KDM4C: variants seen among roughly 807,000 people sequenced by gnomAD.
The protein encoded by KDM4C is lysine-specific demethylase 4C.
KDM4C carries 81 observed loss-of-function variants against 129.3 expected under a neutral mutation model. That is an observed-to-expected ratio of 0.63 (90% CI 0.52 to 0.75). The LOEUF is 0.75. Ranked by LOEUF, KDM4C falls within the 30% of genes least tolerant of loss-of-function variation. The probability of loss-of-function intolerance (pLI) is 0.00; values close to 1 mark genes in which losing one functional copy is unlikely to be tolerated. For synonymous variants in KDM4C, 573 were observed against 456.1 expected, an observed-to-expected ratio of 1.26 and a Z score of -3.26; for missense variants, 1,457 against 1,304.0, an observed-to-expected ratio of 1.12 and a Z score of -1.81.
chr9:7,129,629 C>T (rs907606967), intron 19 of KDM4C, among the ~76,000 whole-genome samples: 1 of 152,074 alleles, frequency 6.6e-6, no homozygotes, highest in Non-Finnish European at 1.5e-5. Flanking sequence ...AGATGTAATC[C>T]TTGCTCAGTC....
intron 2 of KDM4C, among the ~76,000 whole-genome samples, chr9:6,804,349 A>AT (rs1829573289): frequency 6.6e-6 from 1 of 152,218 alleles, no homozygotes; most frequent in South Asian, 2.1e-4. Context: ...GTACTATGCC[A>AT]TGGACACAGG....
At chr9:6,745,320 C>A (rs1172455444) in intron 1 of KDM4C, among the ~76,000 whole-genome samples, 1 of 151,970 alleles carries the variant, frequency 6.6e-6, no homozygotes, top group East Asian at 1.9e-4. Context: ...AAATTTAGGC[C>A]AGGGATGGTG....
intron 1 of KDM4C, among the ~76,000 whole-genome samples, chr9:6,774,151 G>A (rs916473110): frequency 5.9e-5 from 9 of 152,018 alleles, no homozygotes; most frequent in African/African-American, 2.2e-4. Context: ...GCCTCCCAAA[G>A]TGCTGGGATT....
At chr9:7,066,067 A>T (rs948069818) in intron 17 of KDM4C, among the ~76,000 whole-genome samples, 15 of 152,158 alleles carry the variant, frequency 9.9e-5, no homozygotes, top group African/African-American at 3.6e-4. Flanking sequence ...TTTGAAATAT[A>T]ATAAAATCAT....
At chr9:6,994,615 T>TCAAGAGTGGGAATGCCCTGGATAAGG (rs1219220359) in intron 12 of KDM4C, among the ~76,000 whole-genome samples, 17 of 152,178 alleles carry the variant, frequency 1.1e-4, no homozygotes, top group Non-Finnish European at 2.2e-4. Flanking sequence ...ACTTATGGAT[T>TCAAGAGTGGGAATGCCCTGGATAAGG]CAAGAGTGGG....
At chr9:6,890,987 C>T (rs775414025) in intron 7 of KDM4C, among the ~76,000 whole-genome samples, 2 of 152,126 alleles carry the variant, frequency 1.3e-5, no homozygotes, top group South Asian at 2.1e-4. Context: ...TTCTTTGGCA[C>T]GGGACAGTGG....
At chr9:6,979,707 A>G (rs1286892487) in intron 8 of KDM4C, among the ~76,000 whole-genome samples, 2 of 152,132 alleles carry the variant, frequency 1.3e-5, no homozygotes, top group Admixed American at 1.3e-4. Flanking sequence ...ACAGGCAGGG[A>G]AATTAGCCTT....
intron 1 of KDM4C, among the ~76,000 whole-genome samples, chr9:6,742,269 C>T (rs545714778): frequency 2.6e-5 from 4 of 151,328 alleles, no homozygotes; most frequent in African/African-American, 9.8e-5. Flanking sequence ...CCGCCTTGGC[C>T]CCCCAGAGTG....
chr9:7,016,764 G>A (rs904246426), intron 15 of KDM4C, among the ~76,000 whole-genome samples: 3 of 152,118 alleles, frequency 2.0e-5, no homozygotes, highest in Admixed American at 6.5e-5. Context: ...TACTTAGGAA[G>A]CTGCAGGGAC....
intron 15 of KDM4C, among the ~76,000 whole-genome samples, chr9:7,026,088 C>A (rs145574355): frequency 1.3e-5 from 2 of 151,906 alleles, no homozygotes; most frequent in Non-Finnish European, 2.9e-5. Context: ...CACCTGTAAT[C>A]CCAGCTACCT....
chr9:7,129,566 T>G (rs189878333), intron 19 of KDM4C, among the ~76,000 whole-genome samples: 1 of 152,254 alleles, frequency 6.6e-6, no homozygotes, highest in Admixed American at 6.5e-5. Context: ...ACTGAATACC[T>G]GCTGTGTGTC....
chr9:6,793,540 TTC>T, intron 2 of KDM4C, among the ~76,000 whole-genome samples: 1 of 151,132 alleles, frequency 6.6e-6, no homozygotes, highest in African/African-American at 2.4e-5. Flanking sequence ...TTTTCTTTCT[TTC>T]TTTTTTTTTT....
At chr9:6,775,277 A>C (rs918980799) in intron 1 of KDM4C, among the ~76,000 whole-genome samples, 1 of 151,990 alleles carries the variant, frequency 6.6e-6, no homozygotes, top group African/African-American at 2.4e-5. Context: ...TCGGCCTCCC[A>C]AAGTGCTGGG....
In KDM4C at chr9:6,758,988, T is replaced by TG. The variant is rs1329494138; in HGVS notation, c.-18+788dup. 3.9e-5 allele frequency among the ~76,000 whole-genome samples: 6 copies of TG among 152,048 alleles called. No individual in the cohort carries two copies. Among genetic ancestry groups the TG allele is most frequent in the African/African-American group, 1.5e-4 (6 of 41,378 alleles). Reference sequence around the variant, plus strand: ...GATGCTTTCCGCGTGGACTTGATGCTGGGCTCCCCCTTTGCTGCGCGGTGC... The same window carrying TG: ...GATGCTTTCCGCGTGGACTTGATGCTGGGGCTCCCCCTTTGCTGCGCGGTGC... On this transcript the variant is annotated intron_variant, in intron 1 of 21. Transcript: ENST00000381309. This position sits in a 1 kb window ranked among gnomAD's most constrained non-coding sequence, Gnocchi z 4.6.
chr9:7,132,178 T>C (rs1022527565), intron 19 of KDM4C, among the ~76,000 whole-genome samples: 1 of 152,216 alleles, frequency 6.6e-6, no homozygotes, highest in Non-Finnish European at 1.5e-5. Flanking sequence ...TATTTATCTA[T>C]GTATGACACA....
intron 8 of KDM4C, among the ~76,000 whole-genome samples, chr9:6,917,990 C>G (rs1480638755): frequency 6.6e-6 from 1 of 152,178 alleles, no homozygotes; most frequent in African/African-American, 2.4e-5. Flanking sequence ...TTATTTCTCC[C>G]ATTTGAAAAA....
chr9:7,129,572 G>A (rs1051923914), intron 19 of KDM4C, among the ~76,000 whole-genome samples: 1 of 151,928 alleles, frequency 6.6e-6, no homozygotes, highest in Non-Finnish European at 1.5e-5. Context: ...TACCTGCTGT[G>A]TGTCACTTAC....
intron 8 of KDM4C, among the ~76,000 whole-genome samples, chr9:6,940,766 T>C (rs1825798179): frequency 6.6e-6 from 1 of 152,226 alleles, no homozygotes; most frequent in Non-Finnish European, 1.5e-5. Flanking sequence ...ACTACCATAT[T>C]CCTTTCCCAG....
At chr9:7,041,704 T>A (rs920776630) in intron 15 of KDM4C, among the ~76,000 whole-genome samples, 1 of 152,038 alleles carries the variant, frequency 6.6e-6, no homozygotes, top group Non-Finnish European at 1.5e-5. Flanking sequence ...ATATTTGAGC[T>A]GGGCATGTGC....
Sources: gnomAD v4.1 joint callset for allele counts (sites outside exome capture counted in the v4.1 genomes callset) on GRCh38, gnomAD v4.1.1 for gene constraint, Gnocchi (gnomAD v3.1) non-coding constraint, MANE v1.5 for transcripts, NCBI Gene and HGNC (gene_info 2026-07-23, HGNC 2026-07-21) for gene names.